EVI5: variants seen among roughly 807,000 people sequenced by gnomAD.
The protein encoded by EVI5 is ecotropic viral integration site 5 protein homolog.
A neutral mutation model predicts 112.0 loss-of-function variants in EVI5; 73 were observed. The observed-to-expected ratio is 0.65, with a 90% CI of 0.54 to 0.79. EVI5 has a LOEUF of 0.79. Among genes scored for constraint, EVI5 ranks in the 30% least tolerant of loss-of-function variants. EVI5 has a pLI of 0.00. For missense variants in EVI5, 900 were observed against 968.8 expected, an observed-to-expected ratio of 0.93 and a Z score of 0.94; for synonymous variants, 305 against 319.9, an observed-to-expected ratio of 0.95 and a Z score of 0.50.
intron 2 of EVI5, among the ~76,000 whole-genome samples, chr1:92,718,633 C>T (rs756220967): frequency 2.6e-5 from 4 of 152,060 alleles, no homozygotes; most frequent in Non-Finnish European, 4.4e-5. Flanking sequence ...ATTAAAAGAA[C>T]TAGAGAAGCA....
chr1:92,738,446 A>T (rs1023692506), intron 1 of EVI5, among the ~76,000 whole-genome samples: 1 of 152,224 alleles, frequency 6.6e-6, no homozygotes, highest in Non-Finnish European at 1.5e-5. Flanking sequence ...ATTTTCAATA[A>T]TTAATGCTTT....
chr1:92,553,289 C>T (rs1166638371), intron 19 of EVI5, among the ~76,000 whole-genome samples: 2 of 141,900 alleles, frequency 1.4e-5, no homozygotes, highest in South Asian at 4.7e-4. Flanking sequence ...TGCCACCACA[C>T]CTGGCCAATT....
intron 2 of EVI5, among the ~76,000 whole-genome samples, chr1:92,719,081 A>T (rs779650034): frequency 6.6e-6 from 1 of 152,192 alleles, no homozygotes; most frequent in Non-Finnish European, 1.5e-5. Context: ...AAAGTTCAGG[A>T]CCAGATGGAT....
chr1:92,731,874 C>A (rs565608457), intron 2 of EVI5: 2 of 152,222 alleles, frequency 1.3e-5, no homozygotes, highest in East Asian at 3.9e-4. Flanking sequence ...TATCACAGAG[C>A]TAAATGTCAA....
chr1:92,725,797 A>G (rs1201456430), intron 2 of EVI5, among the ~76,000 whole-genome samples: 1 of 152,096 alleles, frequency 6.6e-6, no homozygotes, highest in African/African-American at 2.4e-5. Flanking sequence ...AAATCAATCC[A>G]TCAAAAGCAA....
intron 9 of EVI5, among the ~76,000 whole-genome samples, chr1:92,689,885 T>A (rs756918598): frequency 6.1e-4 from 92 of 152,050 alleles, no homozygotes; most frequent in Non-Finnish European, 1.1e-3. Context: ...AAGGGAATAA[T>A]AAAGTTGTTT....
chr1:92,670,506 G>C (rs1419948543), intron 10 of EVI5, among the ~76,000 whole-genome samples: 1 of 151,926 alleles, frequency 6.6e-6, no homozygotes, highest in Admixed American at 6.6e-5. Flanking sequence ...CTCTCCCTTC[G>C]TAGTATAACT....
At chr1:92,761,081 T>G (rs1389331300) in intron 1 of EVI5, among the ~76,000 whole-genome samples, 1 of 147,194 alleles carries the variant, frequency 6.8e-6, no homozygotes, top group Non-Finnish European at 1.5e-5. Context: ...AAAAAAGAAT[T>G]AATGAATAGG....
chr1:92,725,310 C>T (rs1675394773), intron 2 of EVI5, among the ~76,000 whole-genome samples: 2 of 152,122 alleles, frequency 1.3e-5, no homozygotes, highest in African/African-American at 4.8e-5. Context: ...TGTTTCAAGA[C>T]ACATTGGGAA....
intron 1 of EVI5, among the ~76,000 whole-genome samples, chr1:92,774,967 T>C (rs1683915097): frequency 6.6e-6 from 1 of 152,210 alleles, no homozygotes; most frequent in South Asian, 2.1e-4. Flanking sequence ...CAACAATTAA[T>C]CAATCTACAT....
chr1:92,769,916 A>C (rs910478644), intron 1 of EVI5, among the ~76,000 whole-genome samples: 1 of 152,104 alleles, frequency 6.6e-6, no homozygotes, highest in African/African-American at 2.4e-5. Context: ...ATGAGAAGGG[A>C]GGTTATCTTG....
At chr1:92,656,131 C>A (rs1662961621) in intron 13 of EVI5, among the ~76,000 whole-genome samples, 1 of 152,082 alleles carries the variant, frequency 6.6e-6, no homozygotes. Flanking sequence ...TTCTCTAAGG[C>A]AGACCATATT....
At position 92,511,085 on chromosome 1, in the gene EVI5, C is replaced by T. The variant is rs1659159041; in HGVS notation, c.*2571G>A. ...TGTGTAGAGCTTGTAAGTGTTGATA[C>T]TCATCTATCTATCTGTATATATATT... On this transcript the variant is annotated 3_prime_UTR_variant, in exon 20 of 20. Coordinates refer to ENST00000684568, the MANE Select transcript of EVI5 (RefSeq NM_001350197.2). 1 of 150,448 alleles carries T rather than the reference C, an allele frequency of 6.6e-6. No homozygotes were observed. The highest frequency in any genetic ancestry group is 6.6e-5 in the Admixed American group (1 of 15,138). 9.3% of individuals were successfully genotyped at this position (150,448 alleles called of 1,614,324 possible).
At chr1:92,608,661 A>G (rs6603998) in intron 16 of EVI5, among the ~76,000 whole-genome samples, 139,653 of 151,570 alleles carry the variant, frequency 0.92, 64,425 homozygotes, top group East Asian at 0.97. Flanking sequence ...CTGAGATCAC[A>G]CAACTGCACT....
chr1:92,638,478 TAC>T (rs1469761362), intron 13 of EVI5, among the ~76,000 whole-genome samples: 1 of 152,174 alleles, frequency 6.6e-6, no homozygotes, highest in African/African-American at 2.4e-5. Context: ...TACTGCAAAT[TAC>T]ACAGTGTCTA....
At chr1:92,628,448 T>G (rs1389588304) in intron 14 of EVI5, among the ~76,000 whole-genome samples, 1 of 152,252 alleles carries the variant, frequency 6.6e-6, no homozygotes, top group Non-Finnish European at 1.5e-5. Context: ...TCTAGAATTT[T>G]TATAGTTTCA....
chr1:92,522,509 A>T (rs1323428665), intron 19 of EVI5, among the ~76,000 whole-genome samples: 1 of 151,184 alleles, frequency 6.6e-6, no homozygotes, highest in African/African-American at 2.4e-5. Flanking sequence ...GGTGGCAGGC[A>T]CCTGTAATCC....
In EVI5 at chr1:92,737,001, G is replaced by A. The variant is rs553521683; in HGVS notation, c.-81-374C>T. On this transcript the variant is annotated intron_variant, in intron 1 of 19. Coordinates refer to ENST00000684568, the MANE Select transcript of EVI5 (RefSeq NM_001350197.2). ...TATGTATATGGGTGTATTGAGTGAGGATGTAAAATGTATTCTTGGGGTTTT... is the reference window on the plus strand; with the variant it reads ...TATGTATATGGGTGTATTGAGTGAGAATGTAAAATGTATTCTTGGGGTTTT... Among the ~76,000 whole-genome samples, 4 of 152,248 alleles carry A rather than the reference G, an allele frequency of 2.6e-5. No individual in the cohort carries two copies. In the South Asian group the frequency reaches 8.3e-4, roughly 32 times the overall value.
intron 16 of EVI5, among the ~76,000 whole-genome samples, chr1:92,609,792 T>C (rs1318067382): frequency 1.3e-5 from 2 of 152,184 alleles, no homozygotes; most frequent in Non-Finnish European, 2.9e-5. Context: ...TCCAAAACTT[T>C]CAACCACTTA....
Sources: allele counts gnomAD v4.1 joint callset (sites outside exome capture counted in the v4.1 genomes callset), GRCh38; gene constraint gnomAD v4.1.1; transcripts MANE v1.5; gene names NCBI Gene and HGNC (gene_info 2026-07-23, HGNC 2026-07-21).